Variants in SLC6A8 observed in about 807,000 individuals in gnomAD.
The protein encoded by SLC6A8 is solute carrier family 6 member 8.
Under a neutral mutation model 48.3 loss-of-function variants are expected in SLC6A8, and 6 were observed. The observed-to-expected ratio is 0.12, with a 90% confidence interval of 0.07 to 0.25. SLC6A8 has a LOEUF of 0.25. Among genes scored for constraint, SLC6A8 ranks in the 10% least tolerant of loss-of-function variants. The pLI is 1.00. For synonymous variants in SLC6A8, 245 were observed against 244.0 expected, an observed-to-expected ratio of 1.00 and a Z score of -0.04; for missense variants, 260 against 551.5, an observed-to-expected ratio of 0.47 and a Z score of 5.29.
In SLC6A8 at chrX:153,692,920, T is replaced by C. The variant is rs781929210; in HGVS notation, c.778-121T>C. ...CCCTAGCTTCCTCTGGCGGGAGCCA[T>C]GGCTCGGAGGACAATGGGGACCTCT... On this transcript the variant is annotated intron_variant, in intron 4 of 12. Coordinates refer to ENST00000253122, the MANE Select transcript of SLC6A8 (RefSeq NM_005629.4). 1.5e-3 allele frequency: 1,409 copies of C among 940,618 alleles called. 1 individual carries two copies. The highest frequency in any genetic ancestry group is 1.9e-3 in the Non-Finnish European group (1,251 of 666,898). 77.5% of individuals were successfully genotyped at this position (940,618 alleles called of 1,213,427 possible).
Position 153,696,448 on chromosome X carries a change from G to A in SLC6A8, c.*1234G>A. The A allele has an allele frequency of 3.0e-6, 1 of 331,860 alleles. No individual in the cohort carries two copies. Among genetic ancestry groups the A allele is most frequent in the East Asian group, 9.6e-5 (1 of 10,366 alleles). 27.3% of individuals were successfully genotyped at this position (331,860 alleles called of 1,213,427 possible). A position where few individuals can be genotyped will look rare whatever the true frequency, so the allele number is the denominator to read the frequency against. On this transcript the variant is annotated 3_prime_UTR_variant, in exon 13 of 13. Transcript: ENST00000253122. Reference sequence around the variant, plus strand: ...TCACGTCCAGTCCCGAGACGGCTGAGTGACCCCAAGAAAGGCTTCCCCGAC... The same window carrying A: ...TCACGTCCAGTCCCGAGACGGCTGAATGACCCCAAGAAAGGCTTCCCCGAC...
intron 5 of SLC6A8, 31 bp from the exon 6 acceptor site, chrX:153,693,232 C>G (rs2091467143): frequency 8.3e-7 from 1 of 1,205,251 alleles, no homozygotes; most frequent in African/African-American, 1.7e-5. Context: ...CTGCAGGCCC[C>G]TCATGCCTGC....
In SLC6A8 at chrX:153,688,493, G is replaced by C. The variant is rs1279725789; in HGVS notation, c.-82G>C. 5.0e-5 allele frequency: 15 copies of C among 302,770 alleles called. No homozygotes were observed. The East Asian group carries it at 2.7e-3, about 55-fold the overall frequency. The allele number at this position is 302,770 out of a possible 1,213,427, so 25.0% of individuals were successfully genotyped here. On this transcript the variant is annotated 5_prime_UTR_variant, in exon 1 of 13. Transcript: ENST00000253122. Reference sequence around the variant, plus strand: ...GGCCCGCGCCCTCGGGGCCCTCCCCGGTGCCGCCGGTGCCCCCCGCCTGAC... The same window carrying C: ...GGCCCGCGCCCTCGGGGCCCTCCCCCGTGCCGCCGGTGCCCCCCGCCTGAC...
chrX:153,688,619 C>T lies in SLC6A8; in HGVS notation c.45C>T (p.Gly15=). 1 of 1,077,323 alleles carries T rather than the reference C, an allele frequency of 9.3e-7. No individual in the cohort carries two copies. Among genetic ancestry groups the T allele is most frequent in the Non-Finnish European group, 1.2e-6 (1 of 826,059 alleles). The allele number at this position is 1,077,323 out of a possible 1,213,427, so 88.8% of individuals were successfully genotyped here. ...SAENGIYSVS[G]DEKKGPLIAP... ...AGAACGGCATCTATAGCGTGTCCGG[C>T]GACGAGAAGAAGGGCCCCCTCATCG... The change falls in exon 1 of 13, where the codon GGC becomes GGT. Residue 15 remains glycine, a synonymous_variant. Coordinates refer to ENST00000253122, the MANE Select transcript of SLC6A8 (RefSeq NM_005629.4).
At position 153,694,024 on chromosome X, in the gene SLC6A8, A is replaced by G. The variant is rs2148363788; in HGVS notation, c.1254+7A>G. On this transcript the variant is annotated splice_region_variant and intron_variant, in intron 8 of 12. Coordinates refer to ENST00000253122, the MANE Select transcript of SLC6A8 (RefSeq NM_005629.4). ...GCTTGGTCTCGACAGCCAGGTTTGC[A>G]TGGGGCTCTGGGACAGGGAGCCAGG... The G allele has an allele frequency of 1.7e-6, 2 of 1,156,841 alleles. No individual in the cohort carries two copies. The highest frequency in any genetic ancestry group is 1.2e-6 in the Non-Finnish European group (1 of 860,533).
intron 1 of SLC6A8, chrX:153,689,474 C>T (rs1289381058): frequency 3.9e-5 from 23 of 593,083 alleles, no homozygotes; most frequent in Non-Finnish European, 4.6e-5. Context: ...CGCGTGTGTC[C>T]TGTGACTACA....
Position 153,691,663 on chromosome X carries a change from C to T in SLC6A8, c.644+110C>T, listed in dbSNP as rs1289701472. The T allele has an allele frequency of 1.6e-5, 15 of 966,772 alleles. No individual in the cohort carries two copies. In the Admixed American group the frequency reaches 1.8e-4, roughly 11 times the overall value. 79.7% of individuals were successfully genotyped at this position (966,772 alleles called of 1,213,427 possible). A position where few individuals can be genotyped will look rare whatever the true frequency, so the allele number is the denominator to read the frequency against. Reference sequence around the variant, plus strand: ...GGGCACCAGGGTGTTGCCTGGCAGTCCATCCTGGACCCTGCCTGCCCTTGC... The same window carrying T: ...GGGCACCAGGGTGTTGCCTGGCAGTTCATCCTGGACCCTGCCTGCCCTTGC... On this transcript the variant is annotated intron_variant, in intron 3 of 12. Transcript: ENST00000253122.
intron 1 of SLC6A8, among the ~76,000 whole-genome samples, chrX:153,689,292 G>A (rs59432934): frequency 1.1e-5 from 1 of 95,103 alleles, no homozygotes; most frequent in Non-Finnish European, 2.0e-5. Flanking sequence ...TCCCCTCGCG[G>A]CCCTCCCGCC....
At position 153,695,277 on chromosome X, in the gene SLC6A8, C is replaced by A; in HGVS notation, c.*63C>A. On this transcript the variant is annotated 3_prime_UTR_variant, in exon 13 of 13. Coordinates refer to ENST00000253122, the MANE Select transcript of SLC6A8 (RefSeq NM_005629.4). ...ATAGCAGCCCCTGCTTCAGCCCCAC[C>A]GCACCCCTCCAGGGGGCCTGCCTTT... The A allele has an allele frequency of 2.7e-6, 3 of 1,103,638 alleles. No homozygotes were observed. The highest frequency in any genetic ancestry group is 3.7e-6 in the Non-Finnish European group (3 of 815,039). 91.0% of individuals were successfully genotyped at this position (1,103,638 alleles called of 1,213,427 possible).
rs782702250 is a variant in SLC6A8, at chrX:153,694,682, G to GT, written c.1597-36dup. The GT allele has an allele frequency of 3.3e-6, 4 of 1,206,618 alleles. No individual in the cohort carries two copies. The East Asian group carries it at 1.2e-4, about 36-fold the overall frequency. On this transcript the variant is annotated intron_variant, in intron 11 of 12. Coordinates refer to ENST00000253122, the MANE Select transcript of SLC6A8 (RefSeq NM_005629.4). The stretch of plus-strand genomic sequence containing the variant: ...AGGGCGGGGGGCGAGGCAGGGCGGG[G>GT]TAGGGGCCCCATTAACCGCAGCATT...
chrX:153,696,466 TCCC>T lies in SLC6A8; in HGVS notation c.*1254_*1256del, dbSNP rs2148366716. On this transcript the variant is annotated 3_prime_UTR_variant, in exon 13 of 13. Coordinates refer to ENST00000253122, the MANE Select transcript of SLC6A8 (RefSeq NM_005629.4). ...CGGCTGAGTGACCCCAAGAAAGGCT[TCCC>T]CGACACCCAGACAGAGGCTGCAGGG... The T allele has an allele frequency of 3.0e-6, 1 of 330,239 alleles. No homozygotes were observed. Among genetic ancestry groups the T allele is most frequent in the East Asian group, 9.7e-5 (1 of 10,270 alleles). 27.2% of individuals were successfully genotyped at this position (330,239 alleles called of 1,213,427 possible).
At chrX:153,691,066 G>A in intron 2 of SLC6A8, 2 of 404,841 alleles carry the variant, frequency 4.9e-6, no homozygotes, top group African/African-American at 2.5e-5. Flanking sequence ...GGGACAGGAG[G>A]AGAGGGGCTC....
In SLC6A8 at chrX:153,695,351, T is replaced by C. The variant is rs1557045936; in HGVS notation, c.*137T>C. 1 of 626,589 alleles carries C rather than the reference T, an allele frequency of 1.6e-6. No homozygotes were observed. Among genetic ancestry groups the C allele is most frequent in the African/African-American group, 2.2e-5 (1 of 44,842 alleles). The allele number at this position is 626,589 out of a possible 1,213,427, so 51.6% of individuals were successfully genotyped here. A position where few individuals can be genotyped will look rare whatever the true frequency, so the allele number is the denominator to read the frequency against. ...TGGGGGAGGAGGGGAGAAAGCACCA[T>C]GAGTGCTCACTAAAACAACTTTTTC... On this transcript the variant is annotated 3_prime_UTR_variant, in exon 13 of 13. Coordinates refer to ENST00000253122, the MANE Select transcript of SLC6A8 (RefSeq NM_005629.4).
At chrX:153,690,806 C>A in intron 2 of SLC6A8, 1 of 322,596 alleles carries the variant, frequency 3.1e-6, no homozygotes, top group Non-Finnish European at 5.6e-6. Context: ...TCCCCAAGGA[C>A]GCTGGGGCAC....
In SLC6A8 at chrX:153,694,768, A is replaced by C. The variant is rs782790088; in HGVS notation, c.1646A>C (p.Asn549Thr). Reference protein sequence around the residue: ...VVYYEPLVYNNTYVYPWWGEA... With the variant: ...VVYYEPLVYNTTYVYPWWGEA... The stretch of plus-strand genomic sequence containing the variant: ...TACTACGAGCCGCTGGTCTACAACA[A>C]CACCTACGTGTACCCGTGGTGGGGT... The change falls in exon 12 of 13, where the codon AAC becomes ACC. Residue 549 changes from asparagine (N) to threonine (T), a missense_variant. Coordinates refer to ENST00000253122, the MANE Select transcript of SLC6A8 (RefSeq NM_005629.4). 6.0e-5 allele frequency: 72 copies of C among 1,209,187 alleles called. No individual in the cohort carries two copies. The highest frequency in any genetic ancestry group is 2.1e-4 in the South Asian group (12 of 56,829).
intron 3 of SLC6A8, 103 bp from the exon 4 acceptor site, chrX:153,691,872 C>T (rs2091458078): frequency 2.1e-6 from 2 of 970,578 alleles, no homozygotes; most frequent in African/African-American, 1.9e-5. Context: ...ACCCGCTGAA[C>T]CCTGGGCTGT....
In SLC6A8 at chrX:153,695,388, A is replaced by G; in HGVS notation, c.*174A>G. 1 of 491,546 alleles carries G rather than the reference A, an allele frequency of 2.0e-6. No homozygotes were observed. Among genetic ancestry groups the G allele is most frequent in the Non-Finnish European group, 3.5e-6 (1 of 283,750 alleles). The allele number at this position is 491,546 out of a possible 1,213,427, so 40.5% of individuals were successfully genotyped here. On this transcript the variant is annotated 3_prime_UTR_variant, in exon 13 of 13. Transcript: ENST00000253122. ...AAAACAACTTTTTCCATTTTTAATA[A>G]AACGCCAAAAATATCACAACCCACC...
intron 4 of SLC6A8, chrX:153,692,665 G>A: frequency 8.6e-6 from 3 of 350,763 alleles, no homozygotes; most frequent in Non-Finnish European, 1.6e-5. Context: ...AAGAGGAGGG[G>A]GACCCGACCC....
In SLC6A8 at chrX:153,693,215, G is replaced by T. The variant is rs782268161; in HGVS notation, c.912+40G>T. On this transcript the variant is annotated intron_variant, in intron 5 of 12. Transcript: ENST00000253122. ...GAGAGGCTGCAGCAGGGCGCTGCGG[G>T]GGAGCCCTGCAGGCCCCTCATGCCT... The T allele has an allele frequency of 3.3e-6, 4 of 1,206,812 alleles. No homozygotes were observed. The African/African-American group carries it at 7.0e-5, about 21-fold the overall frequency.
Sources: gnomAD v4.1 joint callset for allele counts (sites outside exome capture counted in the v4.1 genomes callset) on GRCh38, gnomAD v4.1.1 for gene constraint, MANE v1.5 for transcripts, NCBI Gene and HGNC (gene_info 2026-07-23, HGNC 2026-07-21) for gene names.